Variants in TANC2 observed in about 807,000 individuals in gnomAD.
The protein encoded by TANC2 is protein TANC2.
In TANC2, 26 loss-of-function variants were observed where a neutral mutation model predicts 210.5. That is an observed-to-expected ratio of 0.12 (90% confidence interval 0.09 to 0.17). The LOEUF is 0.17. Ranked by LOEUF, TANC2 falls within the 10% of genes least tolerant of loss-of-function variation. TANC2 has a pLI of 1.00. For missense variants in TANC2, 2,129 were observed against 2,608.9 expected, an observed-to-expected ratio of 0.82 and a Z score of 4.01; for synonymous variants, 931 against 967.1, an observed-to-expected ratio of 0.96 and a Z score of 0.69.
chr17:63,417,397 T>C (rs956039772), intron 26 of TANC2, among the ~76,000 whole-genome samples: 1 of 152,050 alleles, frequency 6.6e-6, no homozygotes, highest in Non-Finnish European at 1.5e-5. Context: ...CTGAAAACCA[T>C]AGGCTGCCTA....
At chr17:63,004,701 C>G (rs1365474230) in intron 1 of TANC2, 1 of 316,446 alleles carries the variant, frequency 3.2e-6, no homozygotes, top group Non-Finnish European at 6.1e-6. Flanking sequence ...GTCAAAAATG[C>G]ACACACTTCA....
chr17:63,372,893 CTTTT>C (rs753800050), intron 14 of TANC2, among the ~76,000 whole-genome samples: 2 of 115,922 alleles, frequency 1.7e-5, no homozygotes, highest in East Asian at 4.9e-4. Flanking sequence ...TGATTACCAT[CTTTT>C]TTTTTTTTTT....
chr17:63,099,236 A>T lies in TANC2; in HGVS notation c.201A>T (p.Pro67=), dbSNP rs777819730. ...CAGACTACGCTGTCCCGCCACTTCC[A>T]GTGAGTGAAGGTATGCAGCACATTC... The change falls in exon 4 of 28, where the codon CCA becomes CCT. Residue 67 remains proline, a synonymous_variant. Transcript: ENST00000689528. The T allele has an allele frequency of 1.3e-5, 21 of 1,610,388 alleles. 1 individual carries two copies. In the South Asian group the frequency reaches 2.3e-4, roughly 18 times the overall value.
intron 8 of TANC2, among the ~76,000 whole-genome samples, chr17:63,255,370 G>A (rs943632672): frequency 6.6e-6 from 1 of 152,148 alleles, no homozygotes; most frequent in Admixed American, 6.5e-5. Flanking sequence ...GGGATTACAG[G>A]CGTGAGCCAC....
intron 9 of TANC2, among the ~76,000 whole-genome samples, chr17:63,298,640 C>T (rs1311799808): frequency 2.6e-5 from 4 of 151,956 alleles, no homozygotes; most frequent in African/African-American, 9.7e-5. Flanking sequence ...GTACTAGATG[C>T]CATTGAATTG....
intron 18 of TANC2, among the ~76,000 whole-genome samples, chr17:63,397,469 G>A (rs939448094): frequency 1.3e-5 from 2 of 152,164 alleles, no homozygotes; most frequent in East Asian, 1.9e-4. Flanking sequence ...CTGTATTGCC[G>A]TTAAATCTGA....
chr17:63,168,836 A>G (rs911150176), intron 5 of TANC2, among the ~76,000 whole-genome samples: 1 of 152,222 alleles, frequency 6.6e-6, no homozygotes, highest in Non-Finnish European at 1.5e-5. Flanking sequence ...TAAAACATAC[A>G]GTTTCAAAGG....
At chr17:63,055,847 T>C (rs1245514771) in intron 2 of TANC2, among the ~76,000 whole-genome samples, 2 of 149,200 alleles carry the variant, frequency 1.3e-5, no homozygotes, top group Non-Finnish European at 3.0e-5. Context: ...ACAACCACTT[T>C]TAAAGAGGTT....
chr17:63,158,032 T>A (rs1382775844), intron 5 of TANC2, among the ~76,000 whole-genome samples: 1 of 152,208 alleles, frequency 6.6e-6, no homozygotes, highest in Non-Finnish European at 1.5e-5. Flanking sequence ...ATACTGTAGT[T>A]ATTGGGCATC....
At chr17:63,131,835 A>G (rs757523827) in intron 4 of TANC2, among the ~76,000 whole-genome samples, 1 of 152,164 alleles carries the variant, frequency 6.6e-6, no homozygotes, top group Non-Finnish European at 1.5e-5. Flanking sequence ...GCCAGCCTAC[A>G]TGAGCTCCAG....
rs780529896 is a variant in TANC2, at chr17:63,421,262, C to T, written c.5532C>T (p.Asn1844=). ...GAAGACCTATCAGTGTCAACCCTAA[C>T]GAAATCAAACCGCACCCGCCAACTC... Residue 1844 remains asparagine, a synonymous_variant, in exon 28 of 28, where the codon AAC becomes AAT. Coordinates refer to ENST00000689528, the Ensembl canonical transcript of TANC2. This position sits in a 1 kb window ranked among gnomAD's most constrained non-coding sequence, Gnocchi z 6.9. The T allele has an allele frequency of 9.9e-6, 16 of 1,614,042 alleles. No homozygotes were observed. In the Admixed American group the frequency reaches 1.5e-4, roughly 15 times the overall value.
intron 7 of TANC2, among the ~76,000 whole-genome samples, chr17:63,234,568 T>C (rs2042569213): frequency 6.6e-6 from 1 of 152,204 alleles, no homozygotes. Context: ...AGCAGGGCTT[T>C]AGCCTCTGTG....
intron 5 of TANC2, among the ~76,000 whole-genome samples, chr17:63,179,299 A>T (rs923758061): frequency 1.3e-5 from 2 of 152,176 alleles, no homozygotes; most frequent in African/African-American, 2.4e-5. Context: ...TCTTGGCAGG[A>T]TGATGAAATG....
intron 18 of TANC2, chr17:63,396,855 T>A (rs1386505690): frequency 2.0e-5 from 3 of 152,038 alleles, no homozygotes; most frequent in Non-Finnish European, 2.9e-5. Flanking sequence ...AAAAAACTGT[T>A]GTTATCCTCA....
chr17:63,119,716 A>C (rs901273666), intron 4 of TANC2, among the ~76,000 whole-genome samples: 2 of 152,192 alleles, frequency 1.3e-5, no homozygotes, highest in African/African-American at 4.8e-5. Flanking sequence ...TATAATTTTT[A>C]TTAACAGTAG....
chr17:62,985,872 C>A (rs898866711), intron 1 of TANC2, among the ~76,000 whole-genome samples: 2 of 151,998 alleles, frequency 1.3e-5, no homozygotes, highest in Non-Finnish European at 2.9e-5. Context: ...TGATTGAGAC[C>A]TGTTACTGGA....
intron 7 of TANC2, among the ~76,000 whole-genome samples, chr17:63,220,726 ATATATATATATG>A (rs1336214725): frequency 1.4e-5 from 2 of 143,744 alleles, no homozygotes; most frequent in African/African-American, 5.2e-5. Flanking sequence ...AAAAATATAT[ATATATATATATG>A]TATATATATA....
At chr17:63,273,305 T>C (rs1441927638) in intron 9 of TANC2, among the ~76,000 whole-genome samples, 2 of 152,032 alleles carry the variant, frequency 1.3e-5, no homozygotes, top group African/African-American at 4.8e-5. Context: ...TTTTAAAAAA[T>C]TATTGAGCTT....
intron 7 of TANC2, among the ~76,000 whole-genome samples, chr17:63,229,472 G>A (rs771808027): frequency 2.8e-4 from 42 of 151,582 alleles, no homozygotes; most frequent in Non-Finnish European, 5.2e-4. Flanking sequence ...CTTTTCAGTT[G>A]TTTGGAATAG....
Sources: gnomAD v4.1 joint callset for allele counts (sites outside exome capture counted in the v4.1 genomes callset) on GRCh38, gnomAD v4.1.1 for gene constraint, Gnocchi (gnomAD v3.1) non-coding constraint, MANE v1.5 for transcripts, NCBI Gene and HGNC (gene_info 2026-07-23, HGNC 2026-07-21) for gene names.